Variants in GRIK2 observed in about 807,000 individuals in gnomAD.
GRIK2 encodes glutamate ionotropic receptor kainate type subunit 2.
Under a neutral mutation model 100.3 loss-of-function variants are expected in GRIK2, and 32 were observed. That is an observed-to-expected ratio of 0.32 (90% CI 0.24 to 0.43). GRIK2 has a LOEUF of 0.43. Among genes scored for constraint, GRIK2 ranks in the 20% least tolerant of loss-of-function variants. The probability of loss-of-function intolerance (pLI) is 1.00; values close to 1 mark genes in which losing one functional copy is unlikely to be tolerated. For synonymous variants in GRIK2, 417 were observed against 389.4 expected, an observed-to-expected ratio of 1.07 and a Z score of -0.83; for missense variants, 843 against 1,114.9, an observed-to-expected ratio of 0.76 and a Z score of 3.47.
intron 14 of GRIK2, among the ~76,000 whole-genome samples, chr6:102,011,731 C>T (rs1795550755): frequency 6.6e-6 from 1 of 151,712 alleles, no homozygotes; most frequent in Non-Finnish European, 1.5e-5. Context: ...ACTGCAGGCA[C>T]CTGCCACCAC....
Position 102,001,720 on chromosome 6 carries a change from G to A in GRIK2, c.2086-33621G>A, listed in dbSNP as rs138208244. Among the ~76,000 whole-genome samples the A allele has an allele frequency of 3.0e-4, 46 of 151,958 alleles. No homozygotes were observed. In the East Asian group the frequency reaches 8.1e-3, roughly 27 times the overall value. On this transcript the variant is annotated intron_variant, in intron 14 of 16. Coordinates refer to ENST00000369134, the MANE Select transcript of GRIK2 (RefSeq NM_021956.5). Reference sequence around the variant, plus strand: ...TCCAGTCTGGTCGTGTAGTGCTACTGCTTCACATAGTGTTACTACTGTACC... The same window carrying A: ...TCCAGTCTGGTCGTGTAGTGCTACTACTTCACATAGTGTTACTACTGTACC...
At chr6:101,546,196 C>A (rs928789929) in intron 2 of GRIK2, among the ~76,000 whole-genome samples, 29 of 152,070 alleles carry the variant, frequency 1.9e-4, no homozygotes, top group Non-Finnish European at 4.0e-4. Context: ...CAAGAAAATT[C>A]TTTTCTGGAC....
At position 101,917,302 on chromosome 6, in the gene GRIK2, T is replaced by C. The variant is rs1026077390; in HGVS notation, c.1749-7299T>C. On this transcript the variant is annotated intron_variant, in intron 12 of 16. Transcript: ENST00000369134. ...GAAGTCCATTTCCACGTTCTGCTTC[T>C]CAAGAAAATGCCAAACACACCAGTG... 2.0e-5 allele frequency among the ~76,000 whole-genome samples: 3 copies of C among 151,722 alleles called. No individual in the cohort carries two copies. In the South Asian group the frequency reaches 6.2e-4, roughly 31 times the overall value.
intron 14 of GRIK2, among the ~76,000 whole-genome samples, chr6:101,944,102 T>C (rs1791125269): frequency 6.6e-6 from 1 of 152,134 alleles, no homozygotes. Context: ...GATCTGATAA[T>C]TTTAAAGTGT....
chr6:101,845,378 C>A (rs1320434471), intron 10 of GRIK2, among the ~76,000 whole-genome samples: 1 of 152,148 alleles, frequency 6.6e-6, no homozygotes, highest in African/African-American at 2.4e-5. Context: ...GGTTTGCGTA[C>A]TCTGGATATT....
chr6:101,399,138 G>A lies in GRIK2; in HGVS notation c.-140G>A. On this transcript the variant is annotated 5_prime_UTR_variant, in exon 2 of 17. Coordinates refer to ENST00000369134, the MANE Select transcript of GRIK2 (RefSeq NM_021956.5). ...GCGATTGCTAATGGGTTTGGGAAGC[G>A]GAGACTCCTTCCTCTCTCTATGACC... The A allele has an allele frequency of 5.0e-6, 3 of 600,898 alleles. No homozygotes were observed. Among genetic ancestry groups the A allele is most frequent in the South Asian group, 4.1e-5 (2 of 48,754 alleles). 37.2% of individuals were successfully genotyped at this position (600,898 alleles called of 1,614,324 possible).
chr6:101,581,756 CAT>C (rs1778109439), intron 2 of GRIK2, among the ~76,000 whole-genome samples: 1 of 152,024 alleles, frequency 6.6e-6, no homozygotes, highest in Non-Finnish European at 1.5e-5. Context: ...ATATTAATGG[CAT>C]AAACTCTTAG....
intron 2 of GRIK2, among the ~76,000 whole-genome samples, chr6:101,554,780 A>G (rs1776662188): frequency 2.0e-5 from 3 of 152,184 alleles, no homozygotes; most frequent in Admixed American, 1.3e-4. Context: ...ATGTTCTTGA[A>G]GCAGGCTTGC....
chr6:101,689,806 A>T (rs980115001), intron 7 of GRIK2, among the ~76,000 whole-genome samples: 4 of 152,120 alleles, frequency 2.6e-5, no homozygotes, highest in Admixed American at 2.0e-4. Context: ...CTTCCCAGAC[A>T]TAAACCCCTT....
intron 2 of GRIK2, chr6:101,430,968 G>A (rs1015588659): frequency 3.4e-6 from 1 of 291,568 alleles, no homozygotes; most frequent in Non-Finnish European, 7.1e-6. Flanking sequence ...CTCAAAGATG[G>A]CACTGTGTAA....
chr6:101,911,800 G>T (rs1788709375), intron 12 of GRIK2, among the ~76,000 whole-genome samples: 1 of 151,256 alleles, frequency 6.6e-6, no homozygotes, highest in South Asian at 2.1e-4. Flanking sequence ...AAAGTGAGGT[G>T]AAGTGACTCA....
At chr6:101,724,648 T>C (rs1163290088) in intron 7 of GRIK2, among the ~76,000 whole-genome samples, 1 of 151,994 alleles carries the variant, frequency 6.6e-6, no homozygotes, top group African/African-American at 2.4e-5. Flanking sequence ...ATTTATGGGA[T>C]TCATCAACTG....
At chr6:101,525,337 T>C (rs997048893) in intron 2 of GRIK2, among the ~76,000 whole-genome samples, 2 of 152,228 alleles carry the variant, frequency 1.3e-5, no homozygotes, top group African/African-American at 2.4e-5. Flanking sequence ...CTAATATTTG[T>C]GGTCAGCTGT....
At chr6:101,552,092 A>G (rs545684929) in intron 2 of GRIK2, among the ~76,000 whole-genome samples, 2 of 152,242 alleles carry the variant, frequency 1.3e-5, no homozygotes, top group East Asian at 3.9e-4. Flanking sequence ...TTTCAGTATC[A>G]TGACTAGAGG....
chr6:101,613,420 A>C (rs1361817617), intron 2 of GRIK2, among the ~76,000 whole-genome samples: 1 of 151,842 alleles, frequency 6.6e-6, no homozygotes. Context: ...TTGTAATATT[A>C]GTAAATTACC....
rs570511116 is a variant in GRIK2 at position 101,464,652 on chromosome 6, G to A, written c.115+65260G>A. Among the ~76,000 whole-genome samples, 11 of 151,432 alleles carry A rather than the reference G, an allele frequency of 7.3e-5. 1 individual carries two copies. Among genetic ancestry groups the A allele is most frequent in the South Asian group, 2.1e-4 (1 of 4,778 alleles). On this transcript the variant is annotated intron_variant, in intron 2 of 16. Coordinates refer to ENST00000369134, the MANE Select transcript of GRIK2 (RefSeq NM_021956.5). ...CCGCCTCAGCCTCCCGAATAGCTGG[G>A]ACTACAGGCACTCGCCACCATGCCT... is the stretch of plus-strand genomic sequence containing the variant.
chr6:101,588,668 GCACACA>G (rs554114141), intron 2 of GRIK2, among the ~76,000 whole-genome samples: 1 of 143,122 alleles, frequency 7.0e-6, no homozygotes, highest in Admixed American at 7.0e-5. Flanking sequence ...ACACGCACAC[GCACACA>G]CACACACACA....
At chr6:101,675,905 C>T (rs1770800057) in intron 4 of GRIK2, among the ~76,000 whole-genome samples, 1 of 152,146 alleles carries the variant, frequency 6.6e-6, no homozygotes, top group Non-Finnish European at 1.5e-5. Flanking sequence ...TTCACTGTTA[C>T]ATATACACCA....
intron 12 of GRIK2, among the ~76,000 whole-genome samples, chr6:101,916,090 CATA>C (rs573380008): frequency 9.2e-5 from 14 of 151,466 alleles, no homozygotes; most frequent in Non-Finnish European, 1.8e-4. Flanking sequence ...ATAGTACAAA[CATA>C]ATACTGTAAA....
Sources: gnomAD v4.1 joint callset for allele counts (sites outside exome capture counted in the v4.1 genomes callset) on GRCh38, gnomAD v4.1.1 for gene constraint, MANE v1.5 for transcripts, NCBI Gene and HGNC (gene_info 2026-07-23, HGNC 2026-07-21) for gene names.